Variants in ANGPT2 observed in about 807,000 individuals in gnomAD.
ANGPT2 encodes angiopoietin-2.
Under a neutral mutation model 62.9 loss-of-function variants are expected in ANGPT2, and 28 were observed. That is an observed-to-expected ratio of 0.44 (90% CI 0.33 to 0.61). The LOEUF (loss-of-function observed/expected upper bound fraction) is 0.61, where lower values mean the gene tolerates loss of function less well. Ranked by LOEUF, ANGPT2 falls within the 20% of genes least tolerant of loss-of-function variation. ANGPT2 has a pLI of 0.03. For synonymous variants in ANGPT2, 284 were observed against 207.8 expected, an observed-to-expected ratio of 1.37 and a Z score of -3.15; for missense variants, 727 against 594.9, an observed-to-expected ratio of 1.22 and a Z score of -2.31.
chr8:6,511,086 A>T (rs913610318), intron 7 of ANGPT2, among the ~76,000 whole-genome samples: 2 of 152,314 alleles, frequency 1.3e-5, no homozygotes, highest in Admixed American at 6.5e-5. Flanking sequence ...TCCTTTGAAC[A>T]TGTTTAGTTC....
In ANGPT2 at chr8:6,500,236, G is replaced by T; in HGVS notation, c.*2865C>A. ...TCTTGGGCAGGTAGTCTTATATCTT[G>T]CTTAATGTTTTTACTGTTAATAGAA... On this transcript the variant is annotated 3_prime_UTR_variant, in exon 9 of 9. Coordinates refer to ENST00000629816, the MANE Select transcript of ANGPT2 (RefSeq NM_001118887.2). 1 of 369,942 alleles carries T rather than the reference G, an allele frequency of 2.7e-6. No individual in the cohort carries two copies. 22.9% of individuals were successfully genotyped at this position (369,942 alleles called of 1,614,324 possible). A position where few individuals can be genotyped will look rare whatever the true frequency, so the allele number is the denominator to read the frequency against.
At position 6,499,998 on chromosome 8, in the gene ANGPT2, G is replaced by A. The variant is rs1811838561; in HGVS notation, c.*3103C>T. The A allele has an allele frequency of 7.3e-7, 1 of 1,369,442 alleles. No individual in the cohort carries two copies. The allele number at this position is 1,369,442 out of a possible 1,614,324, so 84.8% of individuals were successfully genotyped here. A position where few individuals can be genotyped will look rare whatever the true frequency, so the allele number is the denominator to read the frequency against. ...TCTCAAGAAATTATTATAAACATAA[G>A]GGTGGACTTAAGTTTTTATCCAGTC... On this transcript the variant is annotated 3_prime_UTR_variant, in exon 9 of 9. Transcript: ENST00000629816.
intron 8 of ANGPT2, among the ~76,000 whole-genome samples, chr8:6,505,017 T>G (rs1413899072): frequency 6.6e-6 from 1 of 151,596 alleles, no homozygotes; most frequent in Admixed American, 6.6e-5. Context: ...ATTTTTAAAA[T>G]AGAGAAAATA....
At chr8:6,504,257 G>T (rs912541148) in intron 8 of ANGPT2, among the ~76,000 whole-genome samples, 3 of 144,326 alleles carry the variant, frequency 2.1e-5, no homozygotes, top group African/African-American at 7.8e-5. Context: ...GGCGGAGCTT[G>T]CAGTGAGCCG....
intron 2 of ANGPT2, 99 bp downstream of exon 2, chr8:6,532,233 T>C: frequency 7.3e-7 from 1 of 1,375,588 alleles, no homozygotes; most frequent in Non-Finnish European, 1.0e-6. Flanking sequence ...GGTGGTGCTT[T>C]CTTTAGTTTC....
At chr8:6,527,708 TA>T (rs1276035981) in intron 2 of ANGPT2, 32 bp from the exon 3 acceptor site, 2 of 1,558,292 alleles carry the variant, frequency 1.3e-6, no homozygotes, top group South Asian at 1.2e-5. Flanking sequence ...TCCTATTAAT[TA>T]TTTTTTAATT....
At chr8:6,536,433 G>C (rs545716600) in intron 1 of ANGPT2, among the ~76,000 whole-genome samples, 1 of 152,026 alleles carries the variant, frequency 6.6e-6, no homozygotes, top group Non-Finnish European at 1.5e-5. Flanking sequence ...TCTCAAAATT[G>C]GCTTGAGTAT....
intron 1 of ANGPT2, among the ~76,000 whole-genome samples, chr8:6,558,041 C>T (rs1360210296): frequency 2.0e-5 from 3 of 152,180 alleles, no homozygotes; most frequent in African/African-American, 7.2e-5. Flanking sequence ...CCCACACGCA[C>T]CTTTAGTTAC....
chr8:6,539,740 C>A (rs1821197847), intron 1 of ANGPT2, among the ~76,000 whole-genome samples: 1 of 152,182 alleles, frequency 6.6e-6, no homozygotes, highest in Admixed American at 6.5e-5. Context: ...GCGCACACCA[C>A]CATGCCTGGG....
chr8:6,533,114 C>T (rs1029279896), intron 1 of ANGPT2, among the ~76,000 whole-genome samples: 1 of 152,186 alleles, frequency 6.6e-6, no homozygotes, highest in South Asian at 2.1e-4. Context: ...GCATTTTTCA[C>T]AATTTTGTCA....
intron 7 of ANGPT2, among the ~76,000 whole-genome samples, chr8:6,509,470 C>G (rs959807499): frequency 2.6e-5 from 4 of 152,122 alleles, no homozygotes; most frequent in Non-Finnish European, 5.9e-5. Context: ...CCGCAGGGGG[C>G]CCCGGGGGGG....
chr8:6,513,910 A>G (rs1815706631), intron 6 of ANGPT2, 66 bp from the exon 7 acceptor site: 1 of 1,424,228 alleles, frequency 7.0e-7, no homozygotes, highest in African/African-American at 1.4e-5. Flanking sequence ...TGAAGTGGAT[A>G]GTCCGTCAAC....
intron 1 of ANGPT2, among the ~76,000 whole-genome samples, chr8:6,547,647 T>A (rs1822842315): frequency 1.3e-5 from 2 of 151,836 alleles, no homozygotes; most frequent in Admixed American, 1.3e-4. Context: ...AAACAGTGAG[T>A]GCCTTTGAGT....
chr8:6,544,490 A>G (rs746609589), intron 1 of ANGPT2, among the ~76,000 whole-genome samples: 2 of 152,200 alleles, frequency 1.3e-5, no homozygotes, highest in African/African-American at 4.8e-5. Context: ...TGTTACGTCA[A>G]ACTGTTTTTT....
rs1218872499 is a variant in ANGPT2 at position 6,519,981 on chromosome 8, G to T, written c.810C>A (p.Pro270=). The T allele has an allele frequency of 6.2e-7, 1 of 1,613,970 alleles. No homozygotes were observed. The highest frequency in any genetic ancestry group is 1.1e-5 in the South Asian group (1 of 91,028). ...TMMSTSNSKD[P]TVAKEEQISF... ...TGATTTGTTCTTCTTTAGCAACAGT[G>T]GGGTCCTTAGCTGCTTTTAAAAAAT... The change falls in exon 5 of 9, where the codon CCC becomes CCA. Residue 270 remains proline (P), a synonymous_variant. Transcript: ENST00000629816.
intron 3 of ANGPT2, among the ~76,000 whole-genome samples, chr8:6,522,643 A>C (rs928515519): frequency 4.0e-5 from 6 of 151,072 alleles, no homozygotes; most frequent in African/African-American, 1.5e-4. Context: ...GCGTGGGGGT[A>C]CATGAATGTA....
Position 6,532,359 on chromosome 8 carries a change from C to A in ANGPT2, c.417G>T (p.Thr139=). 1 of 1,614,050 alleles carries A rather than the reference C, an allele frequency of 6.2e-7. No homozygotes were observed. Among genetic ancestry groups the A allele is most frequent in the Middle Eastern group, 1.7e-4 (1 of 6,060 alleles). Residue 139 remains threonine (T), a synonymous_variant, in exon 2 of 9, where the codon ACG becomes ACT. Coordinates refer to ENST00000629816, the MANE Select transcript of ANGPT2 (RefSeq NM_001118887.2). ...GGGCTTCCACATCAGTTAACTTCCG[C>A]GTTTGCTCCGCTGTTTGGTTCAACA... ...TNLLNQTAEQ[T]RKLTDVEAQV...
chr8:6,533,247 A>C (rs947165398), intron 1 of ANGPT2, among the ~76,000 whole-genome samples: 2 of 152,238 alleles, frequency 1.3e-5, no homozygotes, highest in Admixed American at 6.5e-5. Context: ...TTTTAGCATT[A>C]ACTGAAACAC....
intron 8 of ANGPT2, among the ~76,000 whole-genome samples, chr8:6,505,498 T>TGTACATATAGA (rs1379998462): frequency 6.5e-3 from 18 of 2,788 alleles, no homozygotes; most frequent in African/African-American, 0.013. Flanking sequence ...ATATTCTTTA[T>TGTACATATAGA]ATATGTATAT....
Sources: gnomAD v4.1 joint callset for allele counts (sites outside exome capture counted in the v4.1 genomes callset) on GRCh38, gnomAD v4.1.1 for gene constraint, MANE v1.5 for transcripts, NCBI Gene and HGNC (gene_info 2026-07-23, HGNC 2026-07-21) for gene names.